Variants in PRDM8 observed in about 807,000 individuals in gnomAD.
PRDM8 encodes the protein PR domain zinc finger protein 8.
Under a neutral mutation model 46.5 loss-of-function variants are expected in PRDM8, and 13 were observed. The observed-to-expected ratio is 0.28, with a 90% confidence interval of 0.18 to 0.44. The LOEUF (loss-of-function observed/expected upper bound fraction) is 0.44, where lower values mean the gene tolerates loss of function less well. Ranked by LOEUF, PRDM8 falls within the 20% of genes least tolerant of loss-of-function variation. The pLI, the probability that PRDM8 is intolerant of heterozygous loss-of-function variation, is 1.00. For synonymous variants in PRDM8, 473 were observed against 438.4 expected (o/e 1.08, Z -0.98); for missense variants, 998 against 955.0 (o/e 1.04, Z -0.59).
chr4:80,190,321 G>A (rs112401935), intron 1 of PRDM8, among the ~76,000 whole-genome samples: 1 of 152,226 alleles, frequency 6.6e-6, no homozygotes, highest in Non-Finnish European at 1.5e-5. Context: ...GAAATGTGGC[G>A]GGCCCTTGGG....
intron 3 of PRDM8, 52 bp from the exon 4 acceptor site, chr4:80,201,862 G>A (rs947247708): frequency 1.3e-6 from 2 of 1,565,364 alleles, no homozygotes; most frequent in African/African-American, 1.4e-5. Flanking sequence ...TGGTGTGCGT[G>A]TGTGTGTGTG....
rs775117967 is a variant in PRDM8, at chr4:80,202,609, C to T, written c.1147C>T (p.Arg383Cys). The stretch of plus-strand genomic sequence containing the variant: ...AAGTCCCGAGACGGGCGAGGCGAAG[C>T]GCAGCGCCTTCGTGGAGGTGAAGAA... ...PPSPETGEAK[R>C]SAFVEVKKAA... Residue 383 changes from arginine to cysteine, a missense_variant, in exon 4 of 4, where the codon CGC becomes TGC. Coordinates refer to ENST00000415738, the MANE Select transcript of PRDM8 (RefSeq NM_001099403.2). The T allele has an allele frequency of 8.5e-6, 13 of 1,531,578 alleles. No individual in the cohort carries two copies. The Admixed American group carries it at 1.6e-4, about 19-fold the overall frequency. The allele number at this position is 1,531,578 out of a possible 1,614,324, so 94.9% of individuals were successfully genotyped here. A position where few individuals can be genotyped will look rare whatever the true frequency, so the allele number is the denominator to read the frequency against.
intron 1 of PRDM8, among the ~76,000 whole-genome samples, chr4:80,199,439 C>T (rs1320892725): frequency 6.6e-6 from 1 of 152,140 alleles, no homozygotes; most frequent in East Asian, 1.9e-4. Context: ...AGCAGACATA[C>T]GTCCCTTCTT....
upstream of PRDM8, chr4:80,195,902 TACACAC>T (rs71662895): frequency 2.7e-5 from 4 of 149,488 alleles, no homozygotes; most frequent in Non-Finnish European, 3.5e-5. Context: ...GAGAAGGAAA[TACACAC>T]ACACACACAC....
rs768138125 is a variant in PRDM8, at chr4:80,203,022, G to A, written c.1560G>A (p.Leu520=). ...CCCCGCTGGTGCTGGGCCAGAAGCT[G>A]GGCGCGCTCGAGCCATGCCACCCCG... The part of the protein sequence containing the change: ...QLSPLVLGQK[L]GALEPCHPAD... The change falls in exon 4 of 4, where the codon CTG becomes CTA. Residue 520 remains leucine, a synonymous_variant. Coordinates refer to ENST00000415738, the MANE Select transcript of PRDM8 (RefSeq NM_001099403.2). 6 of 1,532,028 alleles carry A rather than the reference G, an allele frequency of 3.9e-6. No individual in the cohort carries two copies. In the South Asian group the frequency reaches 7.2e-5, roughly 18 times the overall value. The allele number at this position is 1,532,028 out of a possible 1,614,324, so 94.9% of individuals were successfully genotyped here.
upstream of PRDM8, chr4:80,196,570 T>G: frequency 1.0e-6 from 1 of 985,456 alleles, no homozygotes; most frequent in Non-Finnish European, 1.2e-6. Context: ...CACCACCCGC[T>G]GGATGTGAAA....
At chr4:80,187,884 G>A (rs544335090) in intron 1 of PRDM8, among the ~76,000 whole-genome samples, 1 of 152,180 alleles carries the variant, frequency 6.6e-6, no homozygotes, top group East Asian at 1.9e-4. Context: ...CCCAGCTCTG[G>A]GTCTCCATTC....
chr4:80,201,330 T>C lies in PRDM8; in HGVS notation c.260T>C (p.Met87Thr), dbSNP rs1214957885. The change falls in exon 3 of 4, where the codon ATG becomes ACG. Residue 87 changes from methionine (M) to threonine (T), a missense_variant. By Grantham distance (81) the Met-to-Thr change is moderately conservative. Transcript: ENST00000415738. ...SAANGSSEGL[M>T]WLRLVQSARD... ...GCAAATGGTTCCTCAGAAGGTCTCA[T>C]GTGGCTGCGGTTGGTCCAATCGGCC... 2 of 1,614,112 alleles carry C rather than the reference T, an allele frequency of 1.2e-6. No homozygotes were observed. Among genetic ancestry groups the C allele is most frequent in the African/African-American group, 2.7e-5 (2 of 74,930 alleles).
Position 80,202,466 on chromosome 4 carries a change from G to T in PRDM8, c.1004G>T (p.Arg335Leu), listed in dbSNP as rs1446822006. 2 of 1,536,282 alleles carry T rather than the reference G, an allele frequency of 1.3e-6. No individual in the cohort carries two copies. Among genetic ancestry groups the T allele is most frequent in the East Asian group, 2.5e-5 (1 of 40,636 alleles). Residue 335 changes from arginine (R) to leucine (L), a missense_variant, in exon 4 of 4, where the codon CGC becomes CTC. By Grantham distance (102) the Arg-to-Leu change is moderately radical. Transcript: ENST00000415738. ...GGAGLVGGRG[R>L]FVERPLPASK... Reference sequence around the variant, plus strand: ...GCTGGTCTGGTAGGGGGCCGGGGCCGCTTCGTAGAGCGGCCCCTCCCGGCC... The same window carrying T: ...GCTGGTCTGGTAGGGGGCCGGGGCCTCTTCGTAGAGCGGCCCCTCCCGGCC...
chr4:80,199,737 G>GTGTGTGTGTGTATA, intron 1 of PRDM8, among the ~76,000 whole-genome samples: 2 of 140,596 alleles, frequency 1.4e-5, no homozygotes, highest in South Asian at 4.6e-4. Flanking sequence ...GTGTGTGTGT[G>GTGTGTGTGTGTATA]TACATATATA....
upstream of PRDM8, among the ~76,000 whole-genome samples, chr4:80,193,648 T>C (rs1737716072): frequency 6.6e-6 from 1 of 152,178 alleles, no homozygotes; most frequent in Admixed American, 6.5e-5. Context: ...GGTAATACAA[T>C]ACTCCTCCTT....
intron 1 of PRDM8, among the ~76,000 whole-genome samples, chr4:80,186,008 A>G (rs993077000): frequency 9.9e-5 from 15 of 152,198 alleles, no homozygotes; most frequent in African/African-American, 3.6e-4. Context: ...CTGGCTTCTC[A>G]GGAAGGCGTT....
upstream of PRDM8, chr4:80,196,719 A>G (rs970176468): frequency 7.8e-5 from 70 of 899,354 alleles, no homozygotes; most frequent in Admixed American, 3.1e-4. Context: ...AGAGGGGGGG[A>G]AAAACCCCAC....
intron 1 of PRDM8, 27 bp from the exon 2 acceptor site, chr4:80,200,052 T>C (rs1355463125): frequency 2.5e-6 from 4 of 1,577,828 alleles, no homozygotes; most frequent in Non-Finnish European, 3.5e-6. Flanking sequence ...CATAACTCAC[T>C]TTCTTGTGCT....
intron 1 of PRDM8, among the ~76,000 whole-genome samples, chr4:80,186,641 C>A (rs966136304): frequency 5.3e-5 from 8 of 152,200 alleles, no homozygotes; most frequent in Non-Finnish European, 8.8e-5. Context: ...TTCACAGCTA[C>A]ACCCTGGCCT....
Position 80,203,542 on chromosome 4 carries a change from G to A in PRDM8, c.*10G>A, listed in dbSNP as rs28529405. The A allele has an allele frequency of 1.9e-6, 3 of 1,599,094 alleles. No homozygotes were observed. In the South Asian group the frequency reaches 3.4e-5, roughly 18 times the overall value. On this transcript the variant is annotated 3_prime_UTR_variant, in exon 4 of 4. Transcript: ENST00000415738. ...GACCTCGCATAATTGACTCGGAAAG[G>A]ACCCCAGCTTTCCACGCGCGCGCAA...
rs1364645401 is a variant in PRDM8 at position 80,204,039 on chromosome 4, A to G, written c.*507A>G. The G allele has an allele frequency of 6.5e-6, 1 of 152,854 alleles. No homozygotes were observed. The highest frequency in any genetic ancestry group is 2.4e-5 in the African/African-American group (1 of 41,452). The allele number at this position is 152,854 out of a possible 1,614,324, so 9.5% of individuals were successfully genotyped here. A position where few individuals can be genotyped will look rare whatever the true frequency, so the allele number is the denominator to read the frequency against. ...GATGCTTTCTGCATTTCTTGATGAC[A>G]GTTTGTGTTCCTACAAAAATAAACA... On this transcript the variant is annotated 3_prime_UTR_variant, in exon 4 of 4. Transcript: ENST00000415738.
At chr4:80,196,726 C>T (rs1354299557), upstream of PRDM8, 1 of 895,752 alleles carries the variant, frequency 1.1e-6, no homozygotes, top group Non-Finnish European at 1.3e-6. Context: ...GGGAAAAACC[C>T]CACGAAAACA....
At chr4:80,199,853 C>A (rs565890326) in intron 1 of PRDM8, among the ~76,000 whole-genome samples, 14 of 152,050 alleles carry the variant, frequency 9.2e-5, no homozygotes, top group Admixed American at 2.6e-4. Context: ...TTCTCCCAAG[C>A]AGTCAGCTCC....
Sources: allele counts gnomAD v4.1 joint callset (sites outside exome capture counted in the v4.1 genomes callset), GRCh38; gene constraint gnomAD v4.1.1; transcripts MANE v1.5; gene names NCBI Gene and HGNC (gene_info 2026-07-23, HGNC 2026-07-21).